PID1: variants seen among roughly 807,000 people sequenced by gnomAD.
PID1 encodes the protein phosphotyrosine interaction domain containing 1, also known as PTB-containing, cubilin and LRP1-interacting protein.
A neutral mutation model predicts 19.1 loss-of-function variants in PID1; 10 were observed. That is an observed-to-expected ratio of 0.52 (90% CI 0.32 to 0.89). PID1 has a LOEUF of 0.89. Among genes scored for constraint, PID1 ranks in the 40% least tolerant of loss-of-function variants. PID1 has a pLI of 0.03. For missense variants in PID1, 248 were observed against 285.3 expected (o/e 0.87, Z 0.94); for synonymous variants, 130 against 116.0 (o/e 1.12, Z -0.78).
intron 1 of PID1, among the ~76,000 whole-genome samples, chr2:229,203,340 T>C (rs1043451171): frequency 6.6e-6 from 1 of 152,132 alleles, no homozygotes; most frequent in African/African-American, 2.4e-5. Flanking sequence ...TAATAAAGTA[T>C]AGTAAGTCTT....
chr2:229,069,178 T>TGTGTGTGA (rs756406662), intron 2 of PID1, among the ~76,000 whole-genome samples: 9 of 117,630 alleles, frequency 7.7e-5, no homozygotes, highest in South Asian at 2.9e-4. Flanking sequence ...TGTGTGTGTG[T>TGTGTGTGA]GAGATGAGGG....
intron 1 of PID1, among the ~76,000 whole-genome samples, chr2:229,239,936 T>G (rs1278421950): frequency 6.6e-6 from 1 of 152,118 alleles, no homozygotes; most frequent in Admixed American, 6.6e-5. Flanking sequence ...ACTATTATAC[T>G]CATAAAATAT....
chr2:229,080,110 C>T (rs749894080), intron 2 of PID1, among the ~76,000 whole-genome samples: 5 of 152,280 alleles, frequency 3.3e-5, no homozygotes, highest in East Asian at 1.9e-4. Flanking sequence ...AGCACCTCAG[C>T]GGCTGCCTGG....
chr2:229,038,319 C>A (rs956660566), intron 2 of PID1, among the ~76,000 whole-genome samples: 9 of 152,152 alleles, frequency 5.9e-5, no homozygotes, highest in Non-Finnish European at 1.3e-4. Context: ...AAGTAAACTG[C>A]GGTACATCCA....
At chr2:229,046,025 G>A (rs1016815993) in intron 2 of PID1, among the ~76,000 whole-genome samples, 3 of 152,084 alleles carry the variant, frequency 2.0e-5, no homozygotes, top group Admixed American at 1.3e-4. Context: ...GACCACCATC[G>A]TTCTGCCCCT....
At chr2:229,248,642 T>A (rs776093504) in intron 1 of PID1, among the ~76,000 whole-genome samples, 5 of 152,244 alleles carry the variant, frequency 3.3e-5, no homozygotes, top group Admixed American at 1.3e-4. Flanking sequence ...AACTCCATCA[T>A]CCCTGCTTTA....
At chr2:229,127,042 A>G (rs943806712) in intron 2 of PID1, among the ~76,000 whole-genome samples, 1 of 152,228 alleles carries the variant, frequency 6.6e-6, no homozygotes, top group Admixed American at 6.5e-5. Context: ...GGGAGAGAGA[A>G]TAAAAGGCCA....
intron 2 of PID1, among the ~76,000 whole-genome samples, chr2:229,079,708 A>T (rs1484900425): frequency 6.6e-6 from 1 of 152,256 alleles, no homozygotes; most frequent in Non-Finnish European, 1.5e-5. Flanking sequence ...GCATGGAAAG[A>T]TGTAAGATGA....
chr2:229,163,674 T>TGTGTGTGTGTGTGCGC (rs374622113), intron 1 of PID1, among the ~76,000 whole-genome samples: 4 of 94,374 alleles, frequency 4.2e-5, no homozygotes, highest in African/African-American at 9.3e-5. Context: ...TGTGTGTGTG[T>TGTGTGTGTGTGTGCGC]GCGTGTGCGT....
At chr2:229,196,927 C>G (rs1385902391) in intron 1 of PID1, among the ~76,000 whole-genome samples, 5 of 151,942 alleles carry the variant, frequency 3.3e-5, no homozygotes, top group Non-Finnish European at 5.9e-5. Flanking sequence ...CATTGATACA[C>G]TAGTATACCA....
chr2:229,145,000 A>G (rs1427937879), intron 2 of PID1, among the ~76,000 whole-genome samples: 1 of 151,744 alleles, frequency 6.6e-6, no homozygotes, highest in African/African-American at 2.4e-5. Context: ...TATTTTTTTC[A>G]TTTAATAAAC....
At chr2:229,253,516 T>G (rs1690207811) in intron 1 of PID1, among the ~76,000 whole-genome samples, 1 of 150,332 alleles carries the variant, frequency 6.7e-6, no homozygotes, top group South Asian at 2.1e-4. Flanking sequence ...GGGCCAGTAC[T>G]ACGGTAAAAT....
chr2:229,054,536 G>A (rs978741440), intron 2 of PID1, among the ~76,000 whole-genome samples: 1 of 152,074 alleles, frequency 6.6e-6, no homozygotes, highest in African/African-American at 2.4e-5. Context: ...AAAGTCAACC[G>A]CAATGTGACC....
At chr2:229,225,589 TG>T (rs1425615115) in intron 1 of PID1, among the ~76,000 whole-genome samples, 2 of 151,068 alleles carry the variant, frequency 1.3e-5, no homozygotes, top group African/African-American at 5.0e-5. Context: ...AAGGCTCTAC[TG>T]AACCCTTTTC....
At chr2:229,254,600 G>A (rs535231044) in intron 1 of PID1, among the ~76,000 whole-genome samples, 11 of 152,162 alleles carry the variant, frequency 7.2e-5, no homozygotes, top group Non-Finnish European at 1.3e-4. Context: ...GTTTTAGGCC[G>A]AGTTATGACC....
rs73998528 is a variant in PID1 at position 229,046,821 on chromosome 2, A to T, written c.178-20713T>A. ...CCATCTTGCTTTCAAAATGCATAGAAAATCCCAGCAATTTAAACTCAATGT... is the reference window on the plus strand; with the variant it reads ...CCATCTTGCTTTCAAAATGCATAGATAATCCCAGCAATTTAAACTCAATGT... On this transcript the variant is annotated intron_variant, in intron 2 of 2. Transcript: ENST00000392055. Among the ~76,000 whole-genome samples the T allele has an allele frequency of 7.4e-3, 1,129 of 152,304 alleles. 19 individuals are homozygous for T. The highest frequency in any genetic ancestry group is 0.026 in the African/African-American group (1,086 of 41,558).
intron 2 of PID1, among the ~76,000 whole-genome samples, chr2:229,129,292 T>C (rs552655040): frequency 8.0e-4 from 121 of 152,044 alleles, no homozygotes; most frequent in African/African-American, 2.7e-3. Context: ...CGGGCGCCTG[T>C]AGTCCCAGCT....
intron 1 of PID1, among the ~76,000 whole-genome samples, chr2:229,218,145 C>A (rs1443929283): frequency 6.6e-6 from 1 of 151,874 alleles, no homozygotes; most frequent in African/African-American, 2.4e-5. Context: ...TTCAATGAAC[C>A]AAAGAGGGCC....
intron 1 of PID1, chr2:229,227,910 C>A: frequency 2.2e-6 from 1 of 451,856 alleles, no homozygotes; most frequent in South Asian, 1.6e-5. Context: ...GGAAAATATA[C>A]AGGAGGGTGT....
Sources: gnomAD v4.1 joint callset for allele counts (sites outside exome capture counted in the v4.1 genomes callset) on GRCh38, gnomAD v4.1.1 for gene constraint, MANE v1.5 for transcripts, NCBI Gene and HGNC (gene_info 2026-07-23, HGNC 2026-07-21) for gene names.